The following FAM227B variants were observed in gnomAD, a reference collection of about 807,000 sequenced individuals.
FAM227B encodes the protein protein FAM227B.
In FAM227B, 88 loss-of-function variants were observed where a neutral mutation model predicts 73.8. That is an observed-to-expected ratio of 1.19 (90% CI 1.00 to 1.42). The LOEUF is 1.42. Ranked by LOEUF, FAM227B falls within the 40% of genes most tolerant of loss-of-function variation. FAM227B has a pLI of 0.00. For synonymous variants in FAM227B, 210 were observed against 190.5 expected (o/e 1.10, Z -0.84); for missense variants, 632 against 590.9 (o/e 1.07, Z -0.72).
chr15:49,618,731 T>C (rs1314062487), intron 1 of FAM227B, among the ~76,000 whole-genome samples: 3 of 152,178 alleles, frequency 2.0e-5, no homozygotes, highest in Admixed American at 6.5e-5. Flanking sequence ...GTGGGTAATG[T>C]CTGAAATTGG....
At chr15:49,486,849 A>C (rs1693258592) in intron 11 of FAM227B, 2 of 151,914 alleles carry the variant, frequency 1.3e-5, no homozygotes, top group Non-Finnish European at 1.5e-5. Flanking sequence ...TGCTCTAGTT[A>C]CACACCTTTA....
chr15:49,520,154 A>G (rs2059679659), intron 10 of FAM227B, among the ~76,000 whole-genome samples: 1 of 152,196 alleles, frequency 6.6e-6, no homozygotes, highest in Non-Finnish European at 1.5e-5. Flanking sequence ...CTTTTGCTCC[A>G]GTTTCCAATA....
chr15:49,549,947 TG>T (rs2072592353), intron 9 of FAM227B, among the ~76,000 whole-genome samples: 1 of 132,602 alleles, frequency 7.5e-6, no homozygotes, highest in Non-Finnish European at 1.7e-5. Flanking sequence ...ATGGGGCGGC[TG>T]GCCGGGCGGG....
At chr15:49,576,546 C>T in intron 7 of FAM227B, 195 bp downstream of exon 7, 1 of 482,652 alleles carries the variant, frequency 2.1e-6, no homozygotes, top group Non-Finnish European at 3.7e-6. Context: ...GGTCCCAAAG[C>T]AGTAACACAG....
intron 13 of FAM227B, among the ~76,000 whole-genome samples, chr15:49,364,004 G>A (rs542303812): frequency 6.6e-6 from 1 of 152,102 alleles, no homozygotes; most frequent in Non-Finnish European, 1.5e-5. Context: ...ACATGCTGCT[G>A]GATTCCGTTC....
rs114440002 is a variant in FAM227B at position 49,361,545 on chromosome 15, G to A, written c.1271+5903C>T. ...AGTTCACTTAGGTTAATGGCCTCCA[G>A]CTCCATTCATATTGCTGCAAAGGAC... On this transcript the variant is annotated intron_variant, in intron 13 of 15. Transcript: ENST00000299338. Among the ~76,000 whole-genome samples the A allele has an allele frequency of 5.6e-3, 859 of 152,154 alleles. 7 individuals are homozygous for A. The highest frequency in any genetic ancestry group is 0.02 in the African/African-American group (819 of 41,502).
At chr15:49,573,688 G>A (rs1200784732) in intron 8 of FAM227B, among the ~76,000 whole-genome samples, 1 of 152,130 alleles carries the variant, frequency 6.6e-6, no homozygotes, top group African/African-American at 2.4e-5. Flanking sequence ...AGCCTACTGT[G>A]AGCCAATTCA....
At chr15:49,574,951 T>C (rs12902794) in intron 8 of FAM227B, 60 bp downstream of exon 8, 789,549 of 1,074,994 alleles carry the variant, frequency 0.73, 292,154 homozygotes, top group East Asian at 0.93. Flanking sequence ...CTTATCTCTA[T>C]TGAAAAATTA....
chr15:49,460,873 C>T (rs1345698367), intron 11 of FAM227B, among the ~76,000 whole-genome samples: 3 of 152,076 alleles, frequency 2.0e-5, no homozygotes, highest in Non-Finnish European at 2.9e-5. Flanking sequence ...TTTGTTTTGT[C>T]TTTTTCAGAA....
chr15:49,535,911 T>C (rs571390847), intron 10 of FAM227B, among the ~76,000 whole-genome samples: 1 of 151,726 alleles, frequency 6.6e-6, no homozygotes, highest in Non-Finnish European at 1.5e-5. Flanking sequence ...ATAAAGTTCC[T>C]AAACATAATG....
intron 11 of FAM227B, among the ~76,000 whole-genome samples, chr15:49,494,156 C>T (rs1396458255): frequency 1.3e-5 from 2 of 151,592 alleles, no homozygotes; most frequent in Non-Finnish European, 2.9e-5. Context: ...TGCTTTGACC[C>T]TAACAGTAAT....
chr15:49,490,981 T>C (rs1463744591), intron 11 of FAM227B, among the ~76,000 whole-genome samples: 1 of 152,014 alleles, frequency 6.6e-6, no homozygotes, highest in Non-Finnish European at 1.5e-5. Flanking sequence ...GGAAATAAAA[T>C]TGAAAAACTG....
intron 10 of FAM227B, among the ~76,000 whole-genome samples, chr15:49,535,972 C>T (rs1022591026): frequency 2.0e-5 from 3 of 149,720 alleles, no homozygotes; most frequent in Non-Finnish European, 3.0e-5. Flanking sequence ...ATTGGAAAAA[C>T]CAGAACACTT....
At chr15:49,329,120 C>T (rs2038093561) in intron 15 of FAM227B, 6 of 993,038 alleles carry the variant, frequency 6.0e-6, no homozygotes, top group Non-Finnish European at 6.0e-6. Context: ...TCTAGCAAAG[C>T]TTGTTTGTAT....
chr15:49,335,594 AC>A, intron 13 of FAM227B, 98 bp from the exon 14 acceptor site: 2 of 765,362 alleles, frequency 2.6e-6, no homozygotes, highest in Non-Finnish European at 4.5e-6. Context: ...TGTGACCTTC[AC>A]TTTTCAGTAA....
At position 49,540,083 on chromosome 15, in the gene FAM227B, C is replaced by T. The variant is rs140864641; in HGVS notation, c.874+1597G>A. ...GGAGCACAGCAGTCTCTCTCTCTCT[C>T]TCCAGGAGGTCAAAACAGCAATGGC... On this transcript the variant is annotated intron_variant, in intron 10 of 15. Coordinates refer to ENST00000299338, the MANE Select transcript of FAM227B (RefSeq NM_152647.3). Among the ~76,000 whole-genome samples the T allele has an allele frequency of 1.8e-3, 269 of 152,242 alleles. 2 individuals carry two copies. The highest frequency in any genetic ancestry group is 6.1e-3 in the African/African-American group (255 of 41,548).
In FAM227B at chr15:49,576,722, A is replaced by T. The variant is rs2075465772; in HGVS notation, c.546+19T>A. On this transcript the variant is annotated intron_variant, in intron 7 of 15. Coordinates refer to ENST00000299338, the MANE Select transcript of FAM227B (RefSeq NM_152647.3). Reference sequence around the variant, plus strand: ...TACTGTCAAAATGTATCCTACAATAAAATGAAATATTTACATACATCAAAA... The same window carrying T: ...TACTGTCAAAATGTATCCTACAATATAATGAAATATTTACATACATCAAAA... The T allele has an allele frequency of 7.5e-7, 1 of 1,327,230 alleles. No homozygotes were observed. Among genetic ancestry groups the T allele is most frequent in the Non-Finnish European group, 1.1e-6 (1 of 924,334 alleles). The allele number at this position is 1,327,230 out of a possible 1,614,324, so 82.2% of individuals were successfully genotyped here.
chr15:49,419,923 T>G (rs2049482457), intron 11 of FAM227B, among the ~76,000 whole-genome samples: 1 of 152,230 alleles, frequency 6.6e-6, no homozygotes. Context: ...GTATCTTTTC[T>G]TTGTAGCACT....
intron 11 of FAM227B, among the ~76,000 whole-genome samples, chr15:49,439,604 AG>A (rs1826444970): frequency 6.6e-6 from 1 of 151,776 alleles, no homozygotes; most frequent in Non-Finnish European, 1.5e-5. Flanking sequence ...AGAGAAACAG[AG>A]CAATAAGTTT....
Sources: allele counts gnomAD v4.1 joint callset (sites outside exome capture counted in the v4.1 genomes callset), GRCh38; gene constraint gnomAD v4.1.1; transcripts MANE v1.5; gene names NCBI Gene and HGNC (gene_info 2026-07-23, HGNC 2026-07-21).